Variants in CHSY3 observed in about 807,000 individuals in gnomAD.
CHSY3 encodes chondroitin sulfate synthase 3.
CHSY3 carries 35 observed loss-of-function variants against 67.2 expected under a neutral mutation model. That is an observed-to-expected ratio of 0.52 (90% CI 0.40 to 0.69). The LOEUF is 0.69. Among genes scored for constraint, CHSY3 ranks in the 30% least tolerant of loss-of-function variants. The probability of loss-of-function intolerance (pLI) is 0.00; values close to 1 mark genes in which losing one functional copy is unlikely to be tolerated. For synonymous variants in CHSY3, 474 were observed against 434.7 expected (o/e 1.09, Z -1.12); for missense variants, 1,069 against 1,138.5 (o/e 0.94, Z 0.88).
chr5:130,185,695 A>G lies in CHSY3; in HGVS notation c.2553A>G (p.Leu851=), dbSNP rs1386768061. The G allele has an allele frequency of 3.7e-6, 6 of 1,613,892 alleles. No individual in the cohort carries two copies. The highest frequency in any genetic ancestry group is 1.7e-6 in the Non-Finnish European group (2 of 1,179,884). The change falls in exon 3 of 3, where the codon TTA becomes TTG. Residue 851 remains leucine, a synonymous_variant. Coordinates refer to ENST00000305031, the MANE Select transcript of CHSY3 (RefSeq NM_175856.5). The part of the protein sequence containing the change: ...NLDPKQYKMC[L]GSKASTFAST... ...ACCCTAAGCAGTATAAGATGTGCTT[A>G]GGATCCAAGGCAAGTACTTTCGCCT... is the stretch of plus-strand genomic sequence containing the variant.
chr5:130,155,434 T>C (rs1769352119), intron 2 of CHSY3, among the ~76,000 whole-genome samples: 1 of 152,202 alleles, frequency 6.6e-6, no homozygotes, highest in South Asian at 2.1e-4. Context: ...TTTTAGAGTC[T>C]GGCAGCACAG....
chr5:130,151,764 G>T (rs1313403125), intron 2 of CHSY3, among the ~76,000 whole-genome samples: 1 of 152,070 alleles, frequency 6.6e-6, no homozygotes, highest in Non-Finnish European at 1.5e-5. Context: ...CATCATGGGG[G>T]TAACCGCCCC....
intron 2 of CHSY3, among the ~76,000 whole-genome samples, chr5:130,124,448 C>G (rs1768189540): frequency 2.6e-5 from 4 of 151,010 alleles, no homozygotes; most frequent in Admixed American, 2.6e-4. Flanking sequence ...CAAAAACATA[C>G]AGAGCGAACT....
Position 130,185,679 on chromosome 5 carries a change from A to C in CHSY3, c.2537A>C (p.Gln846Pro). ...VHCDPNLDPK[Q>P]YKMCLGSKAS... ...TGTGATCCTAACTTGGACCCTAAGC[A>C]GTATAAGATGTGCTTAGGATCCAAG... The change falls in exon 3 of 3, where the codon CAG becomes CCG. Residue 846 changes from glutamine (Q) to proline (P), a missense_variant. Gln to Pro is a moderately conservative substitution (Grantham distance 76). This residue lies in a region of CHSY3 where 139 missense variants were observed against 152.8 expected (regional missense o/e 0.91). Coordinates refer to ENST00000305031, the MANE Select transcript of CHSY3 (RefSeq NM_175856.5). The C allele has an allele frequency of 6.2e-7, 1 of 1,614,062 alleles. No individual in the cohort carries two copies. Among genetic ancestry groups the C allele is most frequent in the Non-Finnish European group, 8.5e-7 (1 of 1,179,962 alleles).
intron 2 of CHSY3, among the ~76,000 whole-genome samples, chr5:130,149,218 A>G (rs62393215): frequency 0.022 from 3,326 of 152,240 alleles, 59 homozygotes; most frequent in Non-Finnish European, 0.036. Flanking sequence ...ACTCCTTGGT[A>G]CCAATTTTCT....
At chr5:129,947,051 T>G (rs906835550) in intron 2 of CHSY3, among the ~76,000 whole-genome samples, 1 of 152,196 alleles carries the variant, frequency 6.6e-6, no homozygotes, top group Non-Finnish European at 1.5e-5. Flanking sequence ...CTGGGTAATT[T>G]ATAAACAAAA....
intron 2 of CHSY3, among the ~76,000 whole-genome samples, 153 bp downstream of exon 2, chr5:129,908,513 CTT>C (rs2149574741): frequency 6.6e-6 from 1 of 152,260 alleles, no homozygotes; most frequent in East Asian, 1.9e-4. Context: ...TGGGAGATAA[CTT>C]TCTCATTAGG....
Position 130,185,561 on chromosome 5 carries a change from G to T in CHSY3, c.2419G>T (p.Asp807Tyr). 6.2e-7 allele frequency: 1 copy of T among 1,614,152 alleles called. No homozygotes were observed. Among genetic ancestry groups the T allele is most frequent in the African/African-American group, 1.3e-5 (1 of 75,064 alleles). ...DTSIQGWGLE[D>Y]VDLYNKVILS... ...CTCAATACAAGGCTGGGGACTAGAAGATGTAGATCTCTACAATAAAGTCAT... is the reference window on the plus strand; with the variant it reads ...CTCAATACAAGGCTGGGGACTAGAATATGTAGATCTCTACAATAAAGTCAT... The change falls in exon 3 of 3, where the codon GAT (aspartate) becomes TAT (tyrosine). Residue 807 changes from aspartate (D) to tyrosine (Y), a missense_variant. Coordinates refer to ENST00000305031, the MANE Select transcript of CHSY3 (RefSeq NM_175856.5).
chr5:130,169,802 T>C lies in CHSY3; in HGVS notation c.1087-14427T>C, dbSNP rs565225740. Among the ~76,000 whole-genome samples the C allele has an allele frequency of 9.2e-5, 14 of 152,028 alleles. No homozygotes were observed. In the East Asian group the frequency reaches 2.7e-3, roughly 29 times the overall value. On this transcript the variant is annotated intron_variant, in intron 2 of 2. Transcript: ENST00000305031. ...AAGCGTTCAAAACTGGAATGAAACA[T>C]ATGAATTAGAAAGAAGGTAATTTCC...
chr5:130,088,452 G>T (rs1766749714), intron 2 of CHSY3, among the ~76,000 whole-genome samples: 1 of 151,700 alleles, frequency 6.6e-6, no homozygotes, highest in African/African-American at 2.4e-5. Context: ...TACAAAATGG[G>T]AGAAAATTTT....
intron 2 of CHSY3, among the ~76,000 whole-genome samples, chr5:130,174,308 AAAG>A (rs1484683767): frequency 6.6e-6 from 1 of 152,018 alleles, no homozygotes; most frequent in Non-Finnish European, 1.5e-5. Context: ...TAAAAAAAAA[AAAG>A]TAGTAGCATA....
intron 2 of CHSY3, among the ~76,000 whole-genome samples, chr5:129,995,950 C>CCT (rs1037866377): frequency 4.0e-5 from 6 of 151,394 alleles, no homozygotes; most frequent in Admixed American, 2.0e-4. Context: ...TCTTCCTCTC[C>CCT]CTCTCTCTCT....
At chr5:130,086,200 G>A (rs931540812) in intron 2 of CHSY3, among the ~76,000 whole-genome samples, 3 of 152,022 alleles carry the variant, frequency 2.0e-5, no homozygotes, top group African/African-American at 7.2e-5. Context: ...GTCTAATGTT[G>A]ACAGTGGGGT....
intron 2 of CHSY3, among the ~76,000 whole-genome samples, chr5:129,943,868 G>A (rs1250634277): frequency 2.0e-5 from 3 of 152,166 alleles, no homozygotes; most frequent in East Asian, 1.9e-4. Flanking sequence ...AATTTGAAAG[G>A]CATTAACTGG....
intron 2 of CHSY3, among the ~76,000 whole-genome samples, chr5:129,969,837 A>C (rs1418168313): frequency 6.6e-6 from 1 of 151,908 alleles, no homozygotes; most frequent in Admixed American, 6.6e-5. Flanking sequence ...TAATTAATGC[A>C]ATTAGGCAGT....
chr5:130,080,543 T>A (rs1433682850), intron 2 of CHSY3, among the ~76,000 whole-genome samples: 3 of 152,106 alleles, frequency 2.0e-5, no homozygotes, highest in African/African-American at 7.2e-5. Flanking sequence ...GTAAACAAAA[T>A]TTTAGTAATT....
intron 2 of CHSY3, among the ~76,000 whole-genome samples, chr5:130,157,675 T>C (rs1454344549): frequency 2.6e-5 from 4 of 152,076 alleles, no homozygotes; most frequent in African/African-American, 4.8e-5. Context: ...CAAAAGAGGG[T>C]TCCTGGATTT....
rs144725310 is a variant in CHSY3 at position 130,019,617 on chromosome 5, C to G, written c.1086+111257C>G. Among the ~76,000 whole-genome samples, 49 of 152,320 alleles carry G rather than the reference C, an allele frequency of 3.2e-4. 1 individual carries two copies. The East Asian group carries it at 8.5e-3, about 26-fold the overall frequency. ...TTAGTCTCTCTGGTTTTTAAGCAGGCTTACCCCTCAAAATAACAACCTCGT... is the reference window on the plus strand; with the variant it reads ...TTAGTCTCTCTGGTTTTTAAGCAGGGTTACCCCTCAAAATAACAACCTCGT... On this transcript the variant is annotated intron_variant, in intron 2 of 2. Coordinates refer to ENST00000305031, the MANE Select transcript of CHSY3 (RefSeq NM_175856.5).
intron 2 of CHSY3, among the ~76,000 whole-genome samples, chr5:130,087,594 T>C (rs1346112822): frequency 6.6e-6 from 1 of 151,568 alleles, no homozygotes; most frequent in Non-Finnish European, 1.5e-5. Context: ...GAGAGCCAAA[T>C]CATGAGTGAA....
Sources: allele counts gnomAD v4.1 joint callset (sites outside exome capture counted in the v4.1 genomes callset), GRCh38; gene constraint gnomAD v4.1.1; regional missense constraint gnomAD v4.1.1; transcripts MANE v1.5; gene names NCBI Gene and HGNC (gene_info 2026-07-23, HGNC 2026-07-21).